The following RNLS variants were observed in gnomAD, a reference collection of about 807,000 sequenced individuals.
RNLS encodes renalase, FAD dependent amine oxidase.
Under a neutral mutation model 39.8 loss-of-function variants are expected in RNLS, and 39 were observed. The ratio of observed to expected loss-of-function variants is 0.98; its 90% confidence interval spans 0.76 to 1.28. The LOEUF is 1.28. Ranked by LOEUF, RNLS falls within the 50% of genes most tolerant of loss-of-function variation. RNLS has a pLI of 0.00. For synonymous variants in RNLS, 147 were observed against 150.7 expected (o/e 0.98, Z 0.18); for missense variants, 410 against 413.3 (o/e 0.99, Z 0.07).
At chr10:88,252,620 A>G in the RNLS span, among the ~76,000 whole-genome samples, 8 of 152,164 alleles carry the variant, frequency 5.3e-5, no homozygotes, top group African/African-American at 1.9e-4. Flanking sequence ...TGACTCCTGG[A>G]GATCCGGTTA....
chr10:88,415,997 G>A (rs1197020784), intron 4 of RNLS, among the ~76,000 whole-genome samples: 2 of 152,052 alleles, frequency 1.3e-5, no homozygotes, highest in African/African-American at 2.4e-5. Flanking sequence ...GTGTTCTGAT[G>A]GCAGTTAGCA....
chr10:88,400,026 C>T (rs1025211348), intron 4 of RNLS, among the ~76,000 whole-genome samples: 4 of 151,956 alleles, frequency 2.6e-5, no homozygotes, highest in Non-Finnish European at 4.4e-5. Context: ...ACATTGCCTC[C>T]TCAGTGTTTC....
chr10:88,232,370 A>G, the RNLS span, among the ~76,000 whole-genome samples: 1 of 152,202 alleles, frequency 6.6e-6, no homozygotes, highest in Non-Finnish European at 1.5e-5. Flanking sequence ...CCACATAGAA[A>G]AAGAGGTGAT....
At chr10:88,506,016 G>C (rs1845769741) in intron 4 of RNLS, among the ~76,000 whole-genome samples, 1 of 152,100 alleles carries the variant, frequency 6.6e-6, no homozygotes, top group South Asian at 2.1e-4. Flanking sequence ...AGGAACTCTG[G>C]GGGTGGGGCC....
chr10:88,381,840 T>A (rs1851522365), intron 4 of RNLS, among the ~76,000 whole-genome samples: 1 of 152,084 alleles, frequency 6.6e-6, no homozygotes, highest in Non-Finnish European at 1.5e-5. Flanking sequence ...CTGGTTTTTT[T>A]ATATCCCCCC....
At chr10:88,275,094 T>C (rs1842764135) in intron 6 of RNLS, 12 of 1,145,800 alleles carry the variant, frequency 1.0e-5, no homozygotes, top group Non-Finnish European at 1.4e-5. Flanking sequence ...CTCTGACACC[T>C]TGTCTACACT....
At chr10:88,278,603 CACACATGTGCAT>C (rs1308485938) in intron 6 of RNLS, among the ~76,000 whole-genome samples, 1 of 152,200 alleles carries the variant, frequency 6.6e-6, no homozygotes, top group African/African-American at 2.4e-5. Flanking sequence ...CACGCTAGCA[CACACATGTGCAT>C]ACACAACATA....
intron 4 of RNLS, among the ~76,000 whole-genome samples, chr10:88,567,689 C>T (rs968011195): frequency 1.3e-5 from 2 of 152,114 alleles, no homozygotes; most frequent in Non-Finnish European, 2.9e-5. Flanking sequence ...ATTCCAATTT[C>T]TTCTATATTA....
the RNLS span, among the ~76,000 whole-genome samples, chr10:88,242,194 C>A: frequency 6.6e-6 from 1 of 152,226 alleles, no homozygotes; most frequent in African/African-American, 2.4e-5. Flanking sequence ...TGGCATCCAA[C>A]CCCTCCAACT....
chr10:88,385,320 GTATAAGTA>G (rs924942261), intron 4 of RNLS, among the ~76,000 whole-genome samples: 3 of 152,316 alleles, frequency 2.0e-5, no homozygotes, highest in Admixed American at 2.0e-4. Flanking sequence ...ATTATTTGTA[GTATAAGTA>G]TATAAGTATG....
chr10:88,276,740 A>G (rs938454205), intron 6 of RNLS, among the ~76,000 whole-genome samples: 1 of 152,166 alleles, frequency 6.6e-6, no homozygotes, highest in Non-Finnish European at 1.5e-5. Flanking sequence ...CAAACTTGTT[A>G]GTTATTTTTA....
chr10:88,415,189 G>A (rs1243487900), intron 4 of RNLS, among the ~76,000 whole-genome samples: 1 of 152,190 alleles, frequency 6.6e-6, no homozygotes, highest in Admixed American at 6.5e-5. Context: ...ACCTGAGAAA[G>A]GGTTTTGTGG....
intron 4 of RNLS, among the ~76,000 whole-genome samples, chr10:88,415,811 A>T (rs940930264): frequency 6.6e-6 from 1 of 152,148 alleles, no homozygotes; most frequent in East Asian, 1.9e-4. Flanking sequence ...CTCACACAGC[A>T]CTCTAGTGCC....
intron 4 of RNLS, among the ~76,000 whole-genome samples, chr10:88,442,664 A>T (rs1038758769): frequency 6.6e-6 from 1 of 151,776 alleles, no homozygotes; most frequent in South Asian, 2.1e-4. Context: ...TCCTCTCAAC[A>T]GTTCCTTCTT....
downstream of RNLS, among the ~76,000 whole-genome samples, chr10:88,269,383 AT>A (rs1285500007): frequency 6.6e-6 from 1 of 152,148 alleles, no homozygotes; most frequent in Non-Finnish European, 1.5e-5. Flanking sequence ...GCATGAAACT[AT>A]TTTATTAGTC....
intron 4 of RNLS, among the ~76,000 whole-genome samples, chr10:88,533,451 CTTTGA>C (rs1419582952): frequency 6.6e-6 from 1 of 152,132 alleles, no homozygotes; most frequent in African/African-American, 2.4e-5. Flanking sequence ...AAAAGAAATA[CTTTGA>C]TTTGACCTTA....
At chr10:88,439,778 C>T (rs1316670148) in intron 4 of RNLS, among the ~76,000 whole-genome samples, 1 of 152,202 alleles carries the variant, frequency 6.6e-6, no homozygotes, top group Non-Finnish European at 1.5e-5. Context: ...TCCAGACTAA[C>T]ACTCCACATC....
chr10:88,173,158 G>A, the RNLS span, among the ~76,000 whole-genome samples: 2 of 151,900 alleles, frequency 1.3e-5, no homozygotes, highest in South Asian at 2.1e-4. Context: ...GCGCCCGGCC[G>A]AGTGGATTTT....
chr10:88,307,162 G>T (rs1039393223), intron 6 of RNLS, among the ~76,000 whole-genome samples: 3 of 152,080 alleles, frequency 2.0e-5, no homozygotes, highest in Non-Finnish European at 4.4e-5. Context: ...GGTATTGAAG[G>T]AACATACCTC....
Sources: gnomAD v4.1 joint callset for allele counts (sites outside exome capture counted in the v4.1 genomes callset) on GRCh38, gnomAD v4.1.1 for gene constraint, MANE v1.5 for transcripts, NCBI Gene and HGNC (gene_info 2026-07-23, HGNC 2026-07-21) for gene names.